CDH4: variants seen among roughly 807,000 people sequenced by gnomAD.
CDH4 encodes the protein cadherin 4.
CDH4 carries 33 observed loss-of-function variants against 86.0 expected under a neutral mutation model. The observed-to-expected ratio is 0.38, with a 90% CI of 0.29 to 0.51. CDH4 has a LOEUF of 0.51. Among genes scored for constraint, CDH4 ranks in the 20% least tolerant of loss-of-function variants. CDH4 has a pLI of 0.86. For missense variants in CDH4, 1,114 were observed against 1,307.4 expected, an observed-to-expected ratio of 0.85 and a Z score of 2.28; for synonymous variants, 555 against 549.4, an observed-to-expected ratio of 1.01 and a Z score of -0.14.
At chr20:61,558,036 T>C (rs1456530790) in intron 2 of CDH4, among the ~76,000 whole-genome samples, 1 of 152,198 alleles carries the variant, frequency 6.6e-6, no homozygotes, top group East Asian at 1.9e-4. Context: ...AGTTATGTTT[T>C]CAAGCTCGAG....
Position 61,384,955 on chromosome 20 carries a change from C to T in CDH4, c.169+130018C>T, listed in dbSNP as rs558382042. 2.6e-5 allele frequency among the ~76,000 whole-genome samples: 4 copies of T among 152,280 alleles called. No homozygotes were observed. The East Asian group carries it at 7.7e-4, about 29-fold the overall frequency. ...TAGCTCATAGTGTAATCATATCTAA[C>T]TCTGAGCTACTCGTTTGCCATGGGA... is the stretch of plus-strand genomic sequence containing the variant. On this transcript the variant is annotated intron_variant, in intron 2 of 15. Transcript: ENST00000614565.
At chr20:61,359,628 C>G (rs1365353936) in intron 2 of CDH4, among the ~76,000 whole-genome samples, 1 of 152,202 alleles carries the variant, frequency 6.6e-6, no homozygotes, top group African/African-American at 2.4e-5. Flanking sequence ...GGGACAAGGA[C>G]TTAGCATCAC....
Position 61,497,346 on chromosome 20 carries a change from G to A in CDH4, c.169+242409G>A, listed in dbSNP as rs573750222. 6.6e-5 allele frequency among the ~76,000 whole-genome samples: 10 copies of A among 152,204 alleles called. No individual in the cohort carries two copies. In the South Asian group the frequency reaches 1.7e-3, roughly 25 times the overall value. The stretch of plus-strand genomic sequence containing the variant: ...TAATTAATTTGTTTTAGAATTCTAT[G>A]TTAATTTAGCTATAGGATTTTTAGC... On this transcript the variant is annotated intron_variant, in intron 2 of 15. Transcript: ENST00000614565.
intron 2 of CDH4, among the ~76,000 whole-genome samples, chr20:61,726,036 T>C (rs1389321241): frequency 2.6e-5 from 4 of 152,046 alleles, no homozygotes; most frequent in Non-Finnish European, 5.9e-5. Context: ...CGTTCAGATA[T>C]GTGATGGGAG....
At chr20:61,934,569 G>A (rs956366558) in intron 15 of CDH4, among the ~76,000 whole-genome samples, 10 of 152,216 alleles carry the variant, frequency 6.6e-5, no homozygotes, top group East Asian at 1.9e-4. Context: ...GGGCGACGGC[G>A]GGGAAGGCGC....
chr20:61,373,144 G>A (rs1235817039), intron 2 of CDH4, among the ~76,000 whole-genome samples: 2 of 152,206 alleles, frequency 1.3e-5, no homozygotes, highest in Non-Finnish European at 2.9e-5. Flanking sequence ...CCTTAACTGG[G>A]CACGTCCTCT....
At chr20:61,640,506 G>A (rs1398511436) in intron 2 of CDH4, among the ~76,000 whole-genome samples, 4 of 152,212 alleles carry the variant, frequency 2.6e-5, no homozygotes, top group Non-Finnish European at 5.9e-5. Flanking sequence ...AGGGGGATTG[G>A]AGGAGGGTTT....
chr20:61,348,483 C>A (rs1432405897), intron 2 of CDH4, among the ~76,000 whole-genome samples: 1 of 152,146 alleles, frequency 6.6e-6, no homozygotes, highest in Admixed American at 6.5e-5. Context: ...GGAACTGTTG[C>A]CAGCGGTTCC....
At chr20:61,296,198 G>A (rs1303975330) in intron 2 of CDH4, among the ~76,000 whole-genome samples, 1 of 152,004 alleles carries the variant, frequency 6.6e-6, no homozygotes, top group Non-Finnish European at 1.5e-5. Context: ...GCGTGTGTGT[G>A]TGTGAGAGAG....
chr20:61,440,127 T>C (rs2085306616), intron 2 of CDH4, among the ~76,000 whole-genome samples: 1 of 152,214 alleles, frequency 6.6e-6, no homozygotes, highest in Admixed American at 6.5e-5. Flanking sequence ...CTGCGCTATC[T>C]TCATCATGAA....
At chr20:61,353,774 T>G (rs184291854) in intron 2 of CDH4, among the ~76,000 whole-genome samples, 2,899 of 65,458 alleles carry the variant, frequency 0.044, 91 homozygotes, top group African/African-American at 0.14. Flanking sequence ...CCAGTTCACC[T>G]TCCACTGGGT....
chr20:61,481,786 T>C (rs909062942), intron 2 of CDH4, among the ~76,000 whole-genome samples: 1 of 152,196 alleles, frequency 6.6e-6, no homozygotes, highest in African/African-American at 2.4e-5. Context: ...TGTGCCGTTA[T>C]GTATATAAGA....
In CDH4 at chr20:61,936,724, CTG is replaced by C. The variant is rs768109008; in HGVS notation, c.2545-10_2545-9del. The C allele has an allele frequency of 6.6e-7, 1 of 1,521,968 alleles. No individual in the cohort carries two copies. The highest frequency in any genetic ancestry group is 8.8e-7 in the Non-Finnish European group (1 of 1,135,836). 94.3% of individuals were successfully genotyped at this position (1,521,968 alleles called of 1,614,324 possible). A position where few individuals can be genotyped will look rare whatever the true frequency, so the allele number is the denominator to read the frequency against. ...CGCGTCCTGCACCCTAACTCTGTGT[CTG>C]TGACCCCCAGGGACTCCGCGCTGCT... On this transcript the variant is annotated splice_polypyrimidine_tract_variant and intron_variant, in intron 15 of 15. Coordinates refer to ENST00000614565, the MANE Select transcript of CDH4 (RefSeq NM_001794.5).
intron 2 of CDH4, among the ~76,000 whole-genome samples, chr20:61,702,305 C>T (rs1028619110): frequency 6.6e-5 from 10 of 152,190 alleles, no homozygotes; most frequent in East Asian, 1.9e-4. Flanking sequence ...GCCCATTTCT[C>T]GATCCTTGTG....
At chr20:61,680,059 A>T (rs760147471) in intron 2 of CDH4, among the ~76,000 whole-genome samples, 4 of 152,128 alleles carry the variant, frequency 2.6e-5, no homozygotes, top group Non-Finnish European at 4.4e-5. Context: ...AGGAAAGGGG[A>T]AGCAGGAAGC....
At chr20:61,341,550 G>A (rs2084649318) in intron 2 of CDH4, among the ~76,000 whole-genome samples, 1 of 150,308 alleles carries the variant, frequency 6.7e-6, no homozygotes, top group Non-Finnish European at 1.5e-5. Context: ...AGATGAAATG[G>A]TGTTGAGAAA....
intron 2 of CDH4, among the ~76,000 whole-genome samples, chr20:61,642,701 T>C (rs2087023434): frequency 6.6e-6 from 1 of 152,186 alleles, no homozygotes; most frequent in African/African-American, 2.4e-5. Flanking sequence ...AGGTCAGAAG[T>C]CTTACAGGGC....
chr20:61,894,514 G>A (rs931805192), intron 7 of CDH4, among the ~76,000 whole-genome samples: 8 of 152,124 alleles, frequency 5.3e-5, no homozygotes, highest in Admixed American at 2.6e-4. Context: ...CCTGACCCGC[G>A]TCTGTGGGGC....
intron 8 of CDH4, among the ~76,000 whole-genome samples, chr20:61,903,821 A>G (rs1488914239): frequency 6.6e-6 from 1 of 152,130 alleles, no homozygotes; most frequent in Admixed American, 6.5e-5. Flanking sequence ...AATGGGAACA[A>G]TAATATAATC....
Sources: allele counts gnomAD v4.1 joint callset (sites outside exome capture counted in the v4.1 genomes callset), GRCh38; gene constraint gnomAD v4.1.1; transcripts MANE v1.5; gene names NCBI Gene and HGNC (gene_info 2026-07-23, HGNC 2026-07-21).